The following HHLA1 variants were observed in gnomAD, a reference collection of about 807,000 sequenced individuals.
HHLA1 encodes HHLA1 neighbor of OC90, also known as HERV-H LTR-associating protein 1.
A neutral mutation model predicts 69.9 loss-of-function variants in HHLA1; 72 were observed. That is an observed-to-expected ratio of 1.03 (90% confidence interval 0.85 to 1.25). The LOEUF (loss-of-function observed/expected upper bound fraction) is 1.25, where lower values mean the gene tolerates loss of function less well. Among genes scored for constraint, HHLA1 ranks in the 50% most tolerant of loss-of-function variants. The pLI, the probability that HHLA1 is intolerant of heterozygous loss-of-function variation, is 0.00. For missense variants in HHLA1, 685 were observed against 642.2 expected (o/e 1.07, Z -0.72); for synonymous variants, 252 against 233.2 (o/e 1.08, Z -0.73).
chr8:132,076,206 A>G (rs977141351), intron 13 of HHLA1, 77 bp from the exon 14 acceptor site: 27 of 1,035,312 alleles, frequency 2.6e-5, no homozygotes, highest in Non-Finnish European at 3.6e-5. Flanking sequence ...GAAATTTATA[A>G]CATCTTAAAG....
chr8:132,072,650 CA>C (rs1167666446), intron 14 of HHLA1, among the ~76,000 whole-genome samples: 5 of 152,054 alleles, frequency 3.3e-5, no homozygotes, highest in Non-Finnish European at 7.4e-5. Context: ...TGGAAATAAA[CA>C]AAAAGGATTA....
Position 132,076,101 on chromosome 8 carries a change from A to T in HHLA1, c.1269T>A (p.Thr423=). 2.6e-6 allele frequency: 4 copies of T among 1,551,464 alleles called. No homozygotes were observed. The highest frequency in any genetic ancestry group is 3.5e-6 in the Non-Finnish European group (4 of 1,146,942). The change falls in exon 14 of 17, where the codon ACT becomes ACA. Residue 423 remains threonine (T), a synonymous_variant. Coordinates refer to ENST00000414222, the MANE Select transcript of HHLA1 (RefSeq NM_001145095.3). ...GGACCAGGACTGGCTCTTCACCAGC[A>T]GTGAATGGCCACTCTGCAGAGAGAT... ...TGDLSAEWPF[T]AGEEPVLVPR...
intron 3 of HHLA1, among the ~76,000 whole-genome samples, chr8:132,102,792 A>AC (rs1266472542): frequency 7.0e-6 from 1 of 143,866 alleles, no homozygotes; most frequent in East Asian, 2.1e-4. Flanking sequence ...ACTGAGCACC[A>AC]TTTTTTTTTT....
rs959707587 is a variant in HHLA1, at chr8:132,063,193, C to A, written c.*802G>T. Reference sequence around the variant, plus strand: ...GCTTGTGCCTGGGCTCTCTTGGACTCTCTCTAGAGGTGCCTTTCACATTTG... The same window carrying A: ...GCTTGTGCCTGGGCTCTCTTGGACTATCTCTAGAGGTGCCTTTCACATTTG... On this transcript the variant is annotated 3_prime_UTR_variant, in exon 17 of 17. Coordinates refer to ENST00000414222, the MANE Select transcript of HHLA1 (RefSeq NM_001145095.3). 1 of 152,280 alleles carries A rather than the reference C, an allele frequency of 6.6e-6. No individual in the cohort carries two copies. Among genetic ancestry groups the A allele is most frequent in the Non-Finnish European group, 1.5e-5 (1 of 68,068 alleles). 9.4% of individuals were successfully genotyped at this position (152,280 alleles called of 1,614,324 possible).
rs1453559331 is a variant in HHLA1 at position 132,095,788 on chromosome 8, T to C, written c.281-2A>G. The C allele has an allele frequency of 2.3e-5, 35 of 1,545,892 alleles. No homozygotes were observed. Among genetic ancestry groups the C allele is most frequent in the Non-Finnish European group, 3.0e-5 (34 of 1,143,234 alleles). ...GCAAGGAGAAGAACTTCTTGCTATCTGCCAAAACATACCAGATAAAGAGAC... is the reference window on the plus strand; with the variant it reads ...GCAAGGAGAAGAACTTCTTGCTATCCGCCAAAACATACCAGATAAAGAGAC... On this transcript the variant is annotated splice_acceptor_variant, in intron 5 of 16. Transcript: ENST00000414222. LOFTEE classifies it high-confidence loss of function.
chr8:132,082,603 T>G (rs1367067077), intron 10 of HHLA1, among the ~76,000 whole-genome samples: 4 of 152,134 alleles, frequency 2.6e-5, no homozygotes, highest in African/African-American at 4.8e-5. Context: ...TGTGAAGCTT[T>G]GCAGCAGTAC....
chr8:132,110,007 C>T (rs2469640), intron 1 of HHLA1, among the ~76,000 whole-genome samples: 80,625 of 151,832 alleles, frequency 0.53, 21,536 homozygotes, highest in South Asian at 0.65. Context: ...GGAGTGTGGA[C>T]GGTGAAGGCA....
intron 8 of HHLA1, 86 bp from the exon 9 acceptor site, chr8:132,087,987 T>C: frequency 1.0e-6 from 1 of 991,776 alleles, no homozygotes; most frequent in South Asian, 1.4e-5. Flanking sequence ...AAGTTGAAAG[T>C]ACCTAACTTA....
intron 14 of HHLA1, among the ~76,000 whole-genome samples, chr8:132,075,420 GA>G (rs1416317709): frequency 1.3e-5 from 2 of 152,124 alleles, no homozygotes; most frequent in African/African-American, 4.8e-5. Context: ...AAGCAAGCTG[GA>G]AAAATGCAGC....
chr8:132,109,282 C>A (rs2130903980), intron 1 of HHLA1, among the ~76,000 whole-genome samples: 1 of 152,284 alleles, frequency 6.6e-6, no homozygotes, highest in Middle Eastern at 3.4e-3. Flanking sequence ...CAAGCACAGA[C>A]CCTGGCGTTG....
At chr8:132,078,090 A>G (rs2130882265) in intron 11 of HHLA1, 119 bp from the exon 12 acceptor site, 2 of 1,108,688 alleles carry the variant, frequency 1.8e-6, no homozygotes, top group Non-Finnish European at 2.6e-6. Context: ...AACGTGTAAT[A>G]TAAGTAATCC....
rs565567529 is a variant in HHLA1 at position 132,067,042 on chromosome 8, G to A, written c.1470-1074C>T. Among the ~76,000 whole-genome samples, 49 of 152,270 alleles carry A rather than the reference G, an allele frequency of 3.2e-4. 1 individual carries two copies. In the South Asian group the frequency reaches 8.3e-3, roughly 26 times the overall value. On this transcript the variant is annotated intron_variant, in intron 15 of 16. Coordinates refer to ENST00000414222, the MANE Select transcript of HHLA1 (RefSeq NM_001145095.3). ...CAACAGGGGAAGGTGTGGTAACCCC[G>A]CATTAGCAGCCACAGGGAGTTGCTG...
chr8:132,077,817 G>T lies in HHLA1; in HGVS notation c.1080C>A (p.Thr360=). The T allele has an allele frequency of 1.9e-6, 3 of 1,551,536 alleles. No homozygotes were observed. The East Asian group carries it at 7.3e-5, about 38-fold the overall frequency. The change falls in exon 12 of 17, where the codon ACC becomes ACA. Residue 360 remains threonine (T), a synonymous_variant. Transcript: ENST00000414222. ...TRSSPPTTAG[T]EEAMNTTSLL... ...GGCTTGTAGTGTTCATGGCTTCCTC[G>T]GTCCCTGCAGTAGTCGGTGGGGAAG...
intron 1 of HHLA1, among the ~76,000 whole-genome samples, chr8:132,108,669 G>A (rs1824246059): frequency 6.6e-6 from 1 of 152,064 alleles, no homozygotes; most frequent in African/African-American, 2.4e-5. Flanking sequence ...TATTTTGAGT[G>A]GAAGGCCATC....
chr8:132,066,263 T>C (rs1323726579), intron 15 of HHLA1, among the ~76,000 whole-genome samples: 1 of 152,194 alleles, frequency 6.6e-6, no homozygotes, highest in East Asian at 1.9e-4. Flanking sequence ...TTTTCTCATA[T>C]ATAAATGAAA....
At chr8:132,089,379 T>G in intron 8 of HHLA1, 137 bp downstream of exon 8, 1 of 677,108 alleles carries the variant, frequency 1.5e-6, no homozygotes, top group Non-Finnish European at 2.7e-6. Context: ...ACTGATTATC[T>G]AAATAAAGAT....
At chr8:132,080,327 C>G in intron 10 of HHLA1, 1 of 357,518 alleles carries the variant, frequency 2.8e-6, no homozygotes, top group South Asian at 2.1e-5. Context: ...GGGCTGAGTC[C>G]GAAAAGAGAG....
At chr8:132,095,434 T>A (rs993786420) in intron 7 of HHLA1, 85 bp downstream of exon 7, 3 of 832,584 alleles carry the variant, frequency 3.6e-6, no homozygotes, top group East Asian at 2.6e-5. Context: ...TTTTCCTGTC[T>A]TACATTGAGG....
chr8:132,100,157 G>A, intron 3 of HHLA1, 23 bp from the exon 4 acceptor site: 1 of 1,522,122 alleles, frequency 6.6e-7, no homozygotes, highest in African/African-American at 1.4e-5. Context: ...CAGTTTTCAT[G>A]AGAAAAATGT....
Sources: allele counts gnomAD v4.1 joint callset (sites outside exome capture counted in the v4.1 genomes callset), GRCh38; gene constraint gnomAD v4.1.1; transcripts MANE v1.5; gene names NCBI Gene and HGNC (gene_info 2026-07-23, HGNC 2026-07-21).